The following LRRIQ1 variants were observed in gnomAD, a reference collection of about 807,000 sequenced individuals.
LRRIQ1 encodes the protein leucine-rich repeat- and IQ domain-containing protein 1.
Under a neutral mutation model 211.9 loss-of-function variants are expected in LRRIQ1, and 210 were observed. The ratio of observed to expected loss-of-function variants is 0.99; its 90% CI spans 0.89 to 1.11. The LOEUF is 1.11. Ranked by LOEUF, LRRIQ1 falls within the 50% of genes most tolerant of loss-of-function variation. LRRIQ1 has a pLI of 0.00. For synonymous variants in LRRIQ1, 699 were observed against 650.1 expected (o/e 1.08, Z -1.14); for missense variants, 2,136 against 1,939.5 (o/e 1.10, Z -1.90).
intron 18 of LRRIQ1, among the ~76,000 whole-genome samples, chr12:85,134,809 T>C (rs909401444): frequency 1.3e-5 from 2 of 152,080 alleles, no homozygotes; most frequent in Non-Finnish European, 2.9e-5. Context: ...AGACCCCATA[T>C]ACCTACCTTC....
chr12:85,093,341 T>A (rs779879950), intron 11 of LRRIQ1, among the ~76,000 whole-genome samples: 1 of 152,166 alleles, frequency 6.6e-6, no homozygotes, highest in Non-Finnish European at 1.5e-5. Context: ...GTGGCATCCT[T>A]AAAGAAATGC....
chr12:85,246,594 A>G (rs1895725986), downstream of LRRIQ1, among the ~76,000 whole-genome samples: 1 of 151,488 alleles, frequency 6.6e-6, no homozygotes, highest in Non-Finnish European at 1.5e-5. Flanking sequence ...CACTTACATG[A>G]TATTTAATTA....
intron 23 of LRRIQ1, among the ~76,000 whole-genome samples, chr12:85,159,917 T>C (rs897360857): frequency 1.6e-4 from 25 of 151,940 alleles, no homozygotes; most frequent in African/African-American, 6.0e-4. Context: ...TACCTAAACA[T>C]TGTCCAACAT....
intron 19 of LRRIQ1, among the ~76,000 whole-genome samples, chr12:85,142,403 T>C (rs1417142159): frequency 1.3e-5 from 2 of 151,594 alleles, no homozygotes; most frequent in African/African-American, 4.8e-5. Flanking sequence ...TTGAAGTATA[T>C]ATACATTGTG....
chr12:85,239,344 G>C lies in LRRIQ1; in HGVS notation c.5017-5445G>C, dbSNP rs1375310108. Among the ~76,000 whole-genome samples, 3 of 122,558 alleles carry C rather than the reference G, an allele frequency of 2.4e-5. No individual in the cohort carries two copies. In the East Asian group the frequency reaches 7.0e-4, roughly 29 times the overall value. The allele number at this position is 122,558 out of a possible 152,430, so 80.4% of individuals were successfully genotyped here. A position where few individuals can be genotyped will look rare whatever the true frequency, so the allele number is the denominator to read the frequency against. On this transcript the variant is annotated intron_variant, in intron 26 of 26. Coordinates refer to ENST00000393217, the MANE Select transcript of LRRIQ1 (RefSeq NM_001079910.2). ...GACTTGCTATCAATCCCCGGTAATT[G>C]AAACTGTTTTATACACACACACACA...
the LRRIQ1 span, among the ~76,000 whole-genome samples, chr12:85,270,088 C>T: frequency 1.3e-5 from 2 of 152,066 alleles, no homozygotes; most frequent in African/African-American, 4.8e-5. Context: ...CTAAAGGCCC[C>T]ATCTCCAAGT....
At position 85,239,072 on chromosome 12, in the gene LRRIQ1, C is replaced by T. The variant is rs953988816; in HGVS notation, c.5017-5717C>T. Among the ~76,000 whole-genome samples the T allele has an allele frequency of 1.8e-4, 27 of 152,144 alleles. No homozygotes were observed. In the Middle Eastern group the frequency reaches 0.01, roughly 57 times the overall value. On this transcript the variant is annotated intron_variant, in intron 26 of 26. Transcript: ENST00000393217. ...CATTGAAATGTGCAAGCCCTCTACA[C>T]TCATAACTGCAAAACACTGCTTTAA...
rs1194126068 is a variant in LRRIQ1 at position 85,055,915 on chromosome 12, A to G, written c.1122A>G (p.Glu374=). Residue 374 remains glutamate (E), a synonymous_variant, in exon 8 of 27, where the codon GAA becomes GAG. Coordinates refer to ENST00000393217, the MANE Select transcript of LRRIQ1 (RefSeq NM_001079910.2). The part of the protein sequence containing the change: ...YEEKKNIVKQ[E]REQLISKEKI... ...AAAAAAAGAATATTGTGAAACAGGA[A>G]AGAGAGCAACTAATAAGCAAGGAAA... The G allele has an allele frequency of 1.9e-6, 3 of 1,603,380 alleles. No individual in the cohort carries two copies. In the Admixed American group the frequency reaches 5.2e-5, roughly 28 times the overall value.
chr12:85,235,380 A>G (rs1290975950), intron 26 of LRRIQ1, among the ~76,000 whole-genome samples: 1 of 152,188 alleles, frequency 6.6e-6, no homozygotes, highest in African/African-American at 2.4e-5. Flanking sequence ...TATTCAGCAG[A>G]GCTTTCCAAA....
At chr12:85,123,871 T>A (rs1490489467) in intron 16 of LRRIQ1, among the ~76,000 whole-genome samples, 199 bp from the exon 17 acceptor site, 1 of 152,104 alleles carries the variant, frequency 6.6e-6, no homozygotes, top group Non-Finnish European at 1.5e-5. Context: ...TGGTTCTAAA[T>A]TAACTAAACA....
chr12:85,177,520 G>A (rs1441469287), intron 24 of LRRIQ1, among the ~76,000 whole-genome samples: 2 of 152,050 alleles, frequency 1.3e-5, no homozygotes, highest in African/African-American at 4.8e-5. Flanking sequence ...TCCAGACTAA[G>A]GCATGGTCCT....
At chr12:85,098,649 T>C (rs1484138639) in intron 12 of LRRIQ1, 101 bp downstream of exon 12, 3 of 988,970 alleles carry the variant, frequency 3.0e-6, no homozygotes, top group Non-Finnish European at 2.9e-6. Flanking sequence ...AATTATTTTG[T>C]TCATTTTTCA....
At chr12:85,201,739 T>C (rs922399831) in intron 24 of LRRIQ1, among the ~76,000 whole-genome samples, 4 of 151,764 alleles carry the variant, frequency 2.6e-5, no homozygotes, top group Middle Eastern at 6.3e-3. Context: ...AAAATGACTT[T>C]TGGATTTATC....
intron 24 of LRRIQ1, among the ~76,000 whole-genome samples, chr12:85,205,158 T>C (rs1211128427): frequency 6.6e-6 from 1 of 152,272 alleles, no homozygotes; most frequent in African/African-American, 2.4e-5. Context: ...CCATGTAAGA[T>C]GGGACTTGCT....
chr12:85,071,136 G>A (rs892809093), intron 10 of LRRIQ1, among the ~76,000 whole-genome samples: 12 of 151,788 alleles, frequency 7.9e-5, no homozygotes, highest in African/African-American at 2.4e-4. Flanking sequence ...TCAAGATATT[G>A]TGCATTAGTC....
At chr12:85,098,764 G>A (rs935891965) in intron 12 of LRRIQ1, 103 bp from the exon 13 acceptor site, 21 of 848,062 alleles carry the variant, frequency 2.5e-5, no homozygotes, top group Non-Finnish European at 3.5e-5. Context: ...CACTTTATCA[G>A]AATCTATCTG....
At chr12:85,153,802 T>C in intron 22 of LRRIQ1, 44 bp downstream of exon 22, 1 of 1,228,700 alleles carries the variant, frequency 8.1e-7, no homozygotes, top group Non-Finnish European at 1.1e-6. Flanking sequence ...AATTGAGAGA[T>C]TGCTAAAAGT....
At chr12:85,135,661 G>C (rs929196884) in intron 18 of LRRIQ1, among the ~76,000 whole-genome samples, 3 of 87,476 alleles carry the variant, frequency 3.4e-5, no homozygotes, top group Non-Finnish European at 7.5e-5. Context: ...ACCAAAATGG[G>C]TACTATGATA....
At chr12:85,195,265 T>C (rs1892834141) in intron 24 of LRRIQ1, among the ~76,000 whole-genome samples, 1 of 151,842 alleles carries the variant, frequency 6.6e-6, no homozygotes, top group Non-Finnish European at 1.5e-5. Flanking sequence ...CTGGTACCAT[T>C]CCTTCTGAAA....
Sources: gnomAD v4.1 joint callset for allele counts (sites outside exome capture counted in the v4.1 genomes callset) on GRCh38, gnomAD v4.1.1 for gene constraint, MANE v1.5 for transcripts, NCBI Gene and HGNC (gene_info 2026-07-23, HGNC 2026-07-21) for gene names.